The following ZNF536 variants were observed in gnomAD, a reference collection of about 807,000 sequenced individuals.
The protein encoded by ZNF536 is zinc finger protein 536.
Under a neutral mutation model 84.5 loss-of-function variants are expected in ZNF536, and 13 were observed. The ratio of observed to expected loss-of-function variants is 0.15; its 90% CI spans 0.10 to 0.24. The LOEUF (loss-of-function observed/expected upper bound fraction) is 0.24, where lower values mean the gene tolerates loss of function less well. Among genes scored for constraint, ZNF536 ranks in the 10% least tolerant of loss-of-function variants. The pLI is 1.00. For missense variants in ZNF536, 1,536 were observed against 1,747.5 expected (o/e 0.88, Z 2.16); for synonymous variants, 811 against 742.5 (o/e 1.09, Z -1.50).
chr19:30,601,373 G>A (rs757045799), intron 1 of ZNF536, among the ~76,000 whole-genome samples: 8 of 152,130 alleles, frequency 5.3e-5, no homozygotes, highest in South Asian at 2.1e-4. Flanking sequence ...GTCCGTGTTC[G>A]TGAGTCACGT....
intron 1 of ZNF536, among the ~76,000 whole-genome samples, chr19:30,390,219 C>CT (rs2049524013): frequency 6.6e-6 from 1 of 152,102 alleles, no homozygotes; most frequent in African/African-American, 2.4e-5. Flanking sequence ...TGCTAATTTG[C>CT]TTTTTTTCCT....
At chr19:30,617,937 G>A (rs8113434) in intron 1 of ZNF536, among the ~76,000 whole-genome samples, 7 of 152,186 alleles carry the variant, frequency 4.6e-5, no homozygotes, top group Admixed American at 2.6e-4. Context: ...GGTCTATTGC[G>A]TTTTATTCCA....
At chr19:30,587,491 CG>C (rs899374854) in intron 1 of ZNF536, among the ~76,000 whole-genome samples, 8 of 152,174 alleles carry the variant, frequency 5.3e-5, no homozygotes, top group African/African-American at 1.9e-4. Flanking sequence ...GCTCATCCCC[CG>C]GGGGTGCCTG....
At position 30,343,752 on chromosome 19, in the gene ZNF536, G is replaced by GA. The variant is rs1290061183; in HGVS notation, c.-119-8613dup. ...CTTTTGCAAGTGGACCTTTCGATGC[G>GA]AAACACTAGGAGATGGTAACCTATG... On this transcript the variant is annotated intron_variant, in intron 2 of 5. Transcript: ENST00000585628. 2.0e-5 allele frequency among the ~76,000 whole-genome samples: 3 copies of GA among 152,202 alleles called. No individual in the cohort carries two copies. The East Asian group carries it at 5.8e-4, about 29-fold the overall frequency.
chr19:30,421,156 T>C (rs551432809), intron 1 of ZNF536, among the ~76,000 whole-genome samples: 6 of 152,228 alleles, frequency 3.9e-5, no homozygotes, highest in African/African-American at 1.4e-4. Context: ...GGGATAGGTA[T>C]GTAGAGGATC....
chr19:30,610,190 C>T (rs1032485030), intron 1 of ZNF536, among the ~76,000 whole-genome samples: 2 of 152,240 alleles, frequency 1.3e-5, no homozygotes, highest in South Asian at 4.1e-4. Flanking sequence ...TGCCTTACAA[C>T]ACATTTTCTC....
intron 1 of ZNF536, among the ~76,000 whole-genome samples, chr19:30,235,103 G>T (rs1357896998): frequency 6.6e-6 from 1 of 152,152 alleles, no homozygotes; most frequent in Non-Finnish European, 1.5e-5. Flanking sequence ...GCCACTATTG[G>T]GTGGTGACCC....
intron 1 of ZNF536, among the ~76,000 whole-genome samples, chr19:30,243,907 A>T (rs1326502416): frequency 6.6e-6 from 1 of 152,228 alleles, no homozygotes; most frequent in Non-Finnish European, 1.5e-5. Context: ...AACTTTTGCC[A>T]TTGCAATTTG....
At chr19:30,710,594 T>A (rs1414234899) in intron 1 of ZNF536, among the ~76,000 whole-genome samples, 1 of 152,182 alleles carries the variant, frequency 6.6e-6, no homozygotes, top group South Asian at 2.1e-4. Flanking sequence ...AATCTTAGCT[T>A]ATGTGCCTGA....
chr19:30,666,832 G>GTA (rs67781281), intron 1 of ZNF536, among the ~76,000 whole-genome samples: 23,263 of 149,000 alleles, frequency 0.16, 2,039 homozygotes, highest in East Asian at 0.4. Flanking sequence ...GTGTGTGTGT[G>GTA]TATATATATA....
chr19:30,402,506 C>T (rs577134601), intron 1 of ZNF536, among the ~76,000 whole-genome samples: 1 of 152,042 alleles, frequency 6.6e-6, no homozygotes, highest in African/African-American at 2.4e-5. Flanking sequence ...TAGGAGGAAG[C>T]AGCATTCATT....
intron 2 of ZNF536, among the ~76,000 whole-genome samples, chr19:30,308,749 G>C (rs1305313455): frequency 6.6e-6 from 1 of 152,156 alleles, no homozygotes; most frequent in Non-Finnish European, 1.5e-5. Context: ...GTCACTCTGT[G>C]GTCGCACAGA....
chr19:30,626,960 A>C (rs2147195515), intron 1 of ZNF536, among the ~76,000 whole-genome samples: 1 of 152,190 alleles, frequency 6.6e-6, no homozygotes, highest in East Asian at 1.9e-4. Context: ...AATTAGCCAA[A>C]CCCCTGAAAT....
chr19:30,466,140 TG>T (rs2053380188), intron 2 of ZNF536, among the ~76,000 whole-genome samples: 1 of 151,790 alleles, frequency 6.6e-6, no homozygotes, highest in African/African-American at 2.4e-5. Context: ...GGAGGATCAT[TG>T]GAGCCCAGGA....
At chr19:30,621,331 T>C (rs1438067602) in intron 1 of ZNF536, among the ~76,000 whole-genome samples, 1 of 152,180 alleles carries the variant, frequency 6.6e-6, no homozygotes, top group Non-Finnish European at 1.5e-5. Context: ...TGGAAGTAAC[T>C]GACCTTCCTT....
chr19:30,600,677 C>A (rs1380210928), intron 1 of ZNF536, among the ~76,000 whole-genome samples: 2 of 152,218 alleles, frequency 1.3e-5, no homozygotes, highest in African/African-American at 2.4e-5. Flanking sequence ...GCCAGCACCC[C>A]TGGTGAGCTG....
At chr19:30,611,541 T>C (rs942653225) in intron 1 of ZNF536, among the ~76,000 whole-genome samples, 1 of 152,242 alleles carries the variant, frequency 6.6e-6, no homozygotes. Context: ...CATACTTTTA[T>C]GTATAAAGAG....
chr19:30,604,796 G>T (rs544911898), intron 1 of ZNF536, among the ~76,000 whole-genome samples: 1 of 152,250 alleles, frequency 6.6e-6, no homozygotes, highest in South Asian at 2.1e-4. Context: ...CAGAGAGGGC[G>T]AGTGACTGGC....
At chr19:30,576,034 G>A (rs2046723441) in intron 1 of ZNF536, among the ~76,000 whole-genome samples, 1 of 152,222 alleles carries the variant, frequency 6.6e-6, no homozygotes, top group Non-Finnish European at 1.5e-5. Flanking sequence ...TGGTATAAGG[G>A]TCAAGTGTGC....
Sources: allele counts gnomAD v4.1 joint callset (sites outside exome capture counted in the v4.1 genomes callset), GRCh38; gene constraint gnomAD v4.1.1; transcripts MANE v1.5; gene names NCBI Gene and HGNC (gene_info 2026-07-23, HGNC 2026-07-21).